Variants in CD44 observed in about 807,000 individuals in gnomAD.
The protein encoded by CD44 is CD44 antigen.
CD44 carries 49 observed loss-of-function variants against 88.8 expected under a neutral mutation model. The ratio of observed to expected loss-of-function variants is 0.55; its 90% CI spans 0.44 to 0.70. CD44 has a LOEUF of 0.70. Among genes scored for constraint, CD44 ranks in the 30% least tolerant of loss-of-function variants. CD44 has a pLI of 0.00. For missense variants in CD44, 883 were observed against 913.8 expected (o/e 0.97, Z 0.43); for synonymous variants, 325 against 312.3 (o/e 1.04, Z -0.43).
chr11:35,229,436 C>T lies in CD44; in HGVS notation c.*103C>T, dbSNP rs558786273. 22 of 688,446 alleles carry T rather than the reference C, an allele frequency of 3.2e-5. No homozygotes were observed. The highest frequency in any genetic ancestry group is 3.1e-4 in the Middle Eastern group (1 of 3,240). 42.6% of individuals were successfully genotyped at this position (688,446 alleles called of 1,614,324 possible). On this transcript the variant is annotated 3_prime_UTR_variant, in exon 18 of 18. Coordinates refer to ENST00000428726, the MANE Select transcript of CD44 (RefSeq NM_000610.4). ...CAATGTGCTACTGATTGTTTCATTG[C>T]GAATCTTTTTTAGCATAAAATTTTC...
In CD44 at chr11:35,208,141, C is replaced by T. The variant is rs774965360; in HGVS notation, c.1451C>T (p.Thr484Ile). The change falls in exon 12 of 18, where the codon ACT becomes ATT. Residue 484 changes from threonine (T) to isoleucine (I), a missense_variant. Physicochemically the swap from Thr to Ile is moderately conservative, Grantham distance 89. Transcript: ENST00000428726. Reference protein sequence around the residue: ...DSSHSITLQPTANPNTGLVED... With the variant: ...DSSHSITLQPIANPNTGLVED... ...AGTCATAGTATAACGCTTCAGCCTA[C>T]TGCAAATCCAAACACAGGTTTGGTG... 26 of 1,612,172 alleles carry T rather than the reference C, an allele frequency of 1.6e-5. No homozygotes were observed. The highest frequency in any genetic ancestry group is 1.6e-4 in the Middle Eastern group (1 of 6,078).
rs561292925 is a variant in CD44 at position 35,158,021 on chromosome 11, C to T, written c.68-18554C>T. On this transcript the variant is annotated intron_variant, in intron 1 of 17. Transcript: ENST00000428726. ...TTTCTGATGATATAGGAAAGGAGCC[C>T]GATTATCTGTTTGAGCTTCCTGTTC... Among the ~76,000 whole-genome samples the T allele has an allele frequency of 7.9e-5, 12 of 152,186 alleles. No individual in the cohort carries two copies. In the East Asian group the frequency reaches 9.6e-4, roughly 12 times the overall value.
chr11:35,202,094 A>G (rs1374472511), intron 9 of CD44, among the ~76,000 whole-genome samples: 1 of 152,202 alleles, frequency 6.6e-6, no homozygotes, highest in Non-Finnish European at 1.5e-5. Flanking sequence ...AATGTGTGGC[A>G]AAGAGTGTGT....
At chr11:35,203,897 G>A (rs1366765707) in intron 9 of CD44, among the ~76,000 whole-genome samples, 3 of 152,038 alleles carry the variant, frequency 2.0e-5, no homozygotes, top group Non-Finnish European at 1.5e-5. Flanking sequence ...GATAGTTTTC[G>A]TCAACTGAAT....
At chr11:35,175,479 T>C (rs1221455724) in intron 1 of CD44, among the ~76,000 whole-genome samples, 3 of 152,214 alleles carry the variant, frequency 2.0e-5, no homozygotes, top group Non-Finnish European at 2.9e-5. Flanking sequence ...TATGTGTATA[T>C]AGATACATAC....
At chr11:35,209,233 C>T (rs1469347427) in intron 12 of CD44, among the ~76,000 whole-genome samples, 1 of 152,140 alleles carries the variant, frequency 6.6e-6, no homozygotes, top group Non-Finnish European at 1.5e-5. Context: ...AAGAAATAAA[C>T]TTGAAACAGT....
In CD44 at chr11:35,219,372, A is replaced by T; in HGVS notation, c.1930A>T (p.Thr644Ser). Residue 644 changes from threonine (T) to serine (S), a missense_variant, in exon 16 of 18, where the codon ACA becomes TCA. Physicochemically the swap from Thr to Ser is moderately conservative, Grantham distance 58. Coordinates refer to ENST00000428726, the MANE Select transcript of CD44 (RefSeq NM_000610.4). ...GANTTSGPIR[T>S]PQIPEWLIIL... Reference sequence around the variant, plus strand: ...AAACACAACCTCTGGTCCTATAAGGACACCCCAAATTCCAGGTGAGTTTCA... The same window carrying T: ...AAACACAACCTCTGGTCCTATAAGGTCACCCCAAATTCCAGGTGAGTTTCA... 1 of 1,613,488 alleles carries T rather than the reference A, an allele frequency of 6.2e-7. No individual in the cohort carries two copies.
intron 1 of CD44, among the ~76,000 whole-genome samples, chr11:35,160,917 TTC>T (rs1196757328): frequency 1.3e-5 from 2 of 152,078 alleles, no homozygotes; most frequent in African/African-American, 4.8e-5. Context: ...CTCTTTCTCT[TTC>T]TCTCTCTCTC....
intron 11 of CD44, among the ~76,000 whole-genome samples, chr11:35,206,908 C>A (rs897174729): frequency 1.3e-5 from 2 of 152,106 alleles, no homozygotes; most frequent in South Asian, 2.1e-4. Context: ...CCAAGCCAGG[C>A]AAAGATCTTC....
At chr11:35,141,793 G>A (rs1858011914) in intron 1 of CD44, among the ~76,000 whole-genome samples, 1 of 152,186 alleles carries the variant, frequency 6.6e-6, no homozygotes, top group Non-Finnish European at 1.5e-5. Context: ...TTGTTTGGCA[G>A]GAACTGGGAC....
rs754481709 is a variant in CD44 at position 35,201,224 on chromosome 11, A to AT, written c.1036+36dup. 4.0e-6 allele frequency: 6 copies of AT among 1,492,468 alleles called. No individual in the cohort carries two copies. In the Admixed American group the frequency reaches 6.7e-5, roughly 17 times the overall value. 92.5% of individuals were successfully genotyped at this position (1,492,468 alleles called of 1,614,324 possible). ...ATGGGTTCTGCATATTTAATGAAAG[A>AT]TTTTTTTCCCCTCAAAGCCCATGAT... On this transcript the variant is annotated intron_variant, in intron 8 of 17. Transcript: ENST00000428726.
At chr11:35,217,561 AG>A (rs1163618753) in intron 15 of CD44, among the ~76,000 whole-genome samples, 2 of 152,348 alleles carry the variant, frequency 1.3e-5, no homozygotes, top group East Asian at 3.9e-4. Flanking sequence ...AACATAGGAT[AG>A]GGGATGTTGA....
chr11:35,219,156 GA>G (rs538812507), intron 15 of CD44, 159 bp from the exon 16 acceptor site: 319 of 616,872 alleles, frequency 5.2e-4, no homozygotes, highest in Non-Finnish European at 8.2e-4. Context: ...AGGTGGGGGG[GA>G]AATCTTTTGT....
intron 1 of CD44, among the ~76,000 whole-genome samples, chr11:35,143,957 A>G (rs1858537138): frequency 6.6e-6 from 1 of 152,248 alleles, no homozygotes; most frequent in South Asian, 2.1e-4. Flanking sequence ...CACTCTGACC[A>G]GGCAAGCATT....
At chr11:35,204,840 A>G in intron 10 of CD44, 200 bp downstream of exon 10, 1 of 515,308 alleles carries the variant, frequency 1.9e-6, no homozygotes, top group Middle Eastern at 5.1e-4. Context: ...GATACAAGCC[A>G]GTTATGAATA....
chr11:35,226,880 CTTTT>C (rs367551052), intron 17 of CD44, among the ~76,000 whole-genome samples: 107 of 106,182 alleles, frequency 1.0e-3, no homozygotes, highest in Non-Finnish European at 1.5e-3. Context: ...TTCTTTTTTC[CTTTT>C]TTTTTTTTTT....
chr11:35,150,770 A>T (rs1007152826), intron 1 of CD44, among the ~76,000 whole-genome samples: 1 of 152,148 alleles, frequency 6.6e-6, no homozygotes, highest in Non-Finnish European at 1.5e-5. Flanking sequence ...GTGAGAACCC[A>T]CTCATAGCCA....
At chr11:35,222,194 A>T (rs1203393190) in intron 17 of CD44, among the ~76,000 whole-genome samples, 1 of 152,222 alleles carries the variant, frequency 6.6e-6, no homozygotes, top group Non-Finnish European at 1.5e-5. Context: ...TCGTATAAAG[A>T]TTCAGTGATT....
At chr11:35,223,149 C>A in intron 17 of CD44, 1 of 985,282 alleles carries the variant, frequency 1.0e-6, no homozygotes, top group Non-Finnish European at 1.2e-6. Flanking sequence ...GTATAAGGAA[C>A]AAAACTGAGA....
Sources: gnomAD v4.1 joint callset for allele counts (sites outside exome capture counted in the v4.1 genomes callset) on GRCh38, gnomAD v4.1.1 for gene constraint, MANE v1.5 for transcripts, NCBI Gene and HGNC (gene_info 2026-07-23, HGNC 2026-07-21) for gene names.